Variants in GRAMD2A observed in about 807,000 individuals in gnomAD.
GRAMD2A encodes the protein GRAM domain containing 2A.
A neutral mutation model predicts 51.1 loss-of-function variants in GRAMD2A; 37 were observed. That is an observed-to-expected ratio of 0.72 (90% CI 0.56 to 0.95). The LOEUF (loss-of-function observed/expected upper bound fraction) is 0.95. GRAMD2A is among the 40% of genes least tolerant of loss of function. The pLI is 0.00. For synonymous variants in GRAMD2A, 136 were observed against 157.1 expected (o/e 0.87, Z 1.01); for missense variants, 414 against 426.9 (o/e 0.97, Z 0.27).
At chr15:72,197,322 C>T (rs1596704661) in intron 1 of GRAMD2A, among the ~76,000 whole-genome samples, 1 of 152,308 alleles carries the variant, frequency 6.6e-6, no homozygotes, top group East Asian at 1.9e-4. Context: ...ACCTTTGGGT[C>T]GGGGGCAATT....
At chr15:72,197,783 CACCCAGCGCCCCGACCGCGCGCCGGG>C (rs1183137948) in exon 1 of GRAMD2A, 146 of 1,273,498 alleles carry the variant, frequency 1.1e-4, no homozygotes, top group Non-Finnish European at 1.3e-4. Context: ...CCGGCGCCTG[CACCCAGCGCCCCGACCGCGCGCCGGG>C]ACCCAGCGCC....
At chr15:72,185,656 G>T (rs1226836067) in intron 1 of GRAMD2A, among the ~76,000 whole-genome samples, 1 of 152,242 alleles carries the variant, frequency 6.6e-6, no homozygotes, top group East Asian at 1.9e-4. Flanking sequence ...AATTACAAAG[G>T]TAGGATAATT....
At chr15:72,178,426 G>C (rs1483235379) in intron 1 of GRAMD2A, among the ~76,000 whole-genome samples, 1 of 152,128 alleles carries the variant, frequency 6.6e-6, no homozygotes, top group African/African-American at 2.4e-5. Context: ...GTCAGAAACT[G>C]GGTGACAAGA....
chr15:72,195,162 C>A (rs975777898), intron 1 of GRAMD2A, among the ~76,000 whole-genome samples: 1 of 152,184 alleles, frequency 6.6e-6, no homozygotes, highest in African/African-American at 2.4e-5. Context: ...TGAGTGTAGA[C>A]AAACTTCCCC....
At position 72,169,916 on chromosome 15, in the gene GRAMD2A, G is replaced by T; in HGVS notation, c.65C>A (p.Thr22Lys). The T allele has an allele frequency of 6.2e-7, 1 of 1,614,140 alleles. No homozygotes were observed. Among genetic ancestry groups the T allele is most frequent in the East Asian group, 2.2e-5 (1 of 44,872 alleles). The stretch of plus-strand genomic sequence containing the variant: ...GGACACAGGACTGTTCAGAGAAGCT[G>T]TCTTTCTGTGCATTTGTTGGTTGCT... ...EGGNQQMHRK[T>K]ASLNSPVSCK... Residue 22 changes from threonine to lysine, a missense_variant, in exon 2 of 12, where the codon ACA becomes AAA. By Grantham distance (78) the Thr-to-Lys change is moderately conservative. Coordinates refer to ENST00000309731, the MANE Select transcript of GRAMD2A (RefSeq NM_001012642.3).
At chr15:72,183,580 A>G (rs2081713678) in intron 1 of GRAMD2A, among the ~76,000 whole-genome samples, 2 of 152,218 alleles carry the variant, frequency 1.3e-5, no homozygotes, top group East Asian at 3.9e-4. Flanking sequence ...CTGTAATCCC[A>G]GCAGTTTGGG....
Position 72,168,519 on chromosome 15 carries a change from A to G in GRAMD2A, c.240T>C (p.Asp80=). ...YNQQYHKLFK[D]VPLEEVVLKV... is the part of the protein sequence containing the mutation. ...TGAGAACCACTTCCTCCAAGGGAACATCCTTAAACAGCTTGTGGTATTGCT... is the reference window on the plus strand; with the variant it reads ...TGAGAACCACTTCCTCCAAGGGAACGTCCTTAAACAGCTTGTGGTATTGCT... Residue 80 remains aspartate, a synonymous_variant, in exon 4 of 12, where the codon GAT becomes GAC. Coordinates refer to ENST00000309731, the MANE Select transcript of GRAMD2A (RefSeq NM_001012642.3). 9.9e-6 allele frequency: 16 copies of G among 1,613,828 alleles called. No individual in the cohort carries two copies. The highest frequency in any genetic ancestry group is 1.4e-5 in the Non-Finnish European group (16 of 1,179,840).
intron 4 of GRAMD2A, 79 bp downstream of exon 4, chr15:72,168,412 G>T: frequency 3.1e-6 from 3 of 982,058 alleles, no homozygotes; most frequent in Non-Finnish European, 5.0e-6. Context: ...TCTAAGTCGT[G>T]CTTTGGAGGC....
chr15:72,162,732 C>T (rs988878298), intron 10 of GRAMD2A: 17 of 232,562 alleles, frequency 7.3e-5, no homozygotes, highest in African/African-American at 2.9e-4. Flanking sequence ...ACCCCCTAGG[C>T]GGTGGGCCCA....
intron 1 of GRAMD2A, among the ~76,000 whole-genome samples, chr15:72,172,319 C>T (rs1341665007): frequency 6.6e-6 from 1 of 151,768 alleles, no homozygotes; most frequent in Non-Finnish European, 1.5e-5. Flanking sequence ...GCGGGGGTCT[C>T]ACTGTGTTGT....
At chr15:72,168,590 G>C (rs749818158) in intron 3 of GRAMD2A, 24 bp from the exon 4 acceptor site, 3 of 1,603,388 alleles carry the variant, frequency 1.9e-6, no homozygotes, top group Non-Finnish European at 2.6e-6. Flanking sequence ...GGCTGCGTCT[G>C]AGAAGCGCTG....
chr15:72,169,021 G>A lies in GRAMD2A; in HGVS notation c.135-25C>T, dbSNP rs745519127. ...ACTGCAAAGGAGACATTCCATTTCG[G>A]GAACAAGGAACCCCAGTCCTGCCCA... On this transcript the variant is annotated intron_variant, in intron 2 of 11. Transcript: ENST00000309731. 1.4e-5 allele frequency: 23 copies of A among 1,609,726 alleles called. No homozygotes were observed. The African/African-American group carries it at 2.5e-4, about 18-fold the overall frequency.
chr15:72,190,248 A>G (rs960515813), intron 1 of GRAMD2A, among the ~76,000 whole-genome samples: 10 of 152,120 alleles, frequency 6.6e-5, no homozygotes, highest in East Asian at 1.9e-4. Context: ...GCGTGGTGGC[A>G]GGCGCCTGTA....
intron 1 of GRAMD2A, among the ~76,000 whole-genome samples, chr15:72,175,099 T>TC (rs980524884): frequency 5.9e-5 from 9 of 151,926 alleles, no homozygotes; most frequent in Middle Eastern, 3.4e-3. Context: ...AGGCTCTGTC[T>TC]CCCCACAGTT....
intron 1 of GRAMD2A, among the ~76,000 whole-genome samples, chr15:72,176,908 G>A (rs572472615): frequency 1.4e-5 from 2 of 145,656 alleles, no homozygotes; most frequent in South Asian, 4.3e-4. Context: ...CTGTTGCCCA[G>A]GCTGGAACAC....
chr15:72,172,418 CT>C lies in GRAMD2A; in HGVS notation c.42-2480del, dbSNP rs775170780. ...ACAGGTGTGAGCCACCATGCCTAGC[CT>C]TTTTTTTTTTTTTTGGAGACAGAGT... is the stretch of plus-strand genomic sequence containing the variant. On this transcript the variant is annotated intron_variant, in intron 1 of 11. Coordinates refer to ENST00000309731, the MANE Select transcript of GRAMD2A (RefSeq NM_001012642.3). 5.0e-3 allele frequency among the ~76,000 whole-genome samples: 695 copies of C among 138,018 alleles called. 1 individual carries two copies. Among genetic ancestry groups the C allele is most frequent in the Middle Eastern group, 7.6e-3 (2 of 264 alleles). The allele number at this position is 138,018 out of a possible 152,430, so 90.5% of individuals were successfully genotyped here.
chr15:72,166,698 G>A lies in GRAMD2A; in HGVS notation c.477C>T (p.Ile159=), dbSNP rs147866419. 6.4e-4 allele frequency: 1,030 copies of A among 1,612,608 alleles called. 1 individual carries two copies. The highest frequency in any genetic ancestry group is 7.1e-4 in the Non-Finnish European group (834 of 1,179,328). ...TGTCCCGGGAGAGCAGTGACACAAAGATATACTGGGACATGGAAAGAAAAC... is the reference window on the plus strand; with the variant it reads ...TGTCCCGGGAGAGCAGTGACACAAAAATATACTGGGACATGGAAAGAAAAC... ...AITTNTSQKY[I]FVSLLSRDSV... is the part of the protein sequence containing the mutation. The change falls in exon 7 of 12, where the codon ATC becomes ATT. Residue 159 remains isoleucine, a synonymous_variant. Coordinates refer to ENST00000309731, the MANE Select transcript of GRAMD2A (RefSeq NM_001012642.3). The surrounding 1 kb of genome is among the most constrained non-coding windows in gnomAD (Gnocchi z 4.1).
intron 1 of GRAMD2A, among the ~76,000 whole-genome samples, chr15:72,172,798 G>A (rs780818566): frequency 2.6e-5 from 4 of 152,018 alleles, no homozygotes; most frequent in Non-Finnish European, 4.4e-5. Flanking sequence ...CCAGTTTGTC[G>A]TTTCTCTTTT....
At chr15:72,190,162 G>A (rs1171176108) in intron 1 of GRAMD2A, among the ~76,000 whole-genome samples, 10 of 151,998 alleles carry the variant, frequency 6.6e-5, no homozygotes, top group African/African-American at 2.2e-4. Flanking sequence ...GGATCACAAG[G>A]TCAGGAGATC....
Sources: gnomAD v4.1 joint callset for allele counts (sites outside exome capture counted in the v4.1 genomes callset) on GRCh38, gnomAD v4.1.1 for gene constraint, Gnocchi (gnomAD v3.1) non-coding constraint, MANE v1.5 for transcripts, NCBI Gene and HGNC (gene_info 2026-07-23, HGNC 2026-07-21) for gene names.